The following ADGRL1 variants were observed in gnomAD, a reference collection of about 807,000 sequenced individuals.
ADGRL1 encodes CIRL-1.
A neutral mutation model predicts 148.9 loss-of-function variants in ADGRL1; 31 were observed. The ratio of observed to expected loss-of-function variants is 0.21; its 90% CI spans 0.16 to 0.28. The LOEUF is 0.28. Among genes scored for constraint, ADGRL1 ranks in the 10% least tolerant of loss-of-function variants. The pLI is 1.00. For synonymous variants in ADGRL1, 937 were observed against 900.3 expected, an observed-to-expected ratio of 1.04 and a Z score of -0.73; for missense variants, 1,521 against 2,058.8, an observed-to-expected ratio of 0.74 and a Z score of 5.05.
At chr19:14,189,952 G>A (rs764849142) in intron 1 of ADGRL1, among the ~76,000 whole-genome samples, 5 of 152,104 alleles carry the variant, frequency 3.3e-5, no homozygotes, top group African/African-American at 9.7e-5. Context: ...ATTTTGAGAC[G>A]GAGTCTCGCT....
In ADGRL1 at chr19:14,162,867, T is replaced by C. The variant is rs1285831514; in HGVS notation, c.934A>G (p.Asn312Asp). 6.2e-7 allele frequency: 1 copy of C among 1,613,902 alleles called. No individual in the cohort carries two copies. Among genetic ancestry groups the C allele is most frequent in the Non-Finnish European group, 8.5e-7 (1 of 1,179,978 alleles). ...AGGACCCCACACACCATGAAGGCGT[T>C]GGATGCCGAGCGCTTGTCGTAACCC... ...ETGYDKRSAS[N>D]AFMVCGVLYV... Residue 312 changes from asparagine to aspartate, a missense_variant, in exon 5 of 23, where the codon AAC (asparagine) becomes GAC (aspartate). Physicochemically the swap from Asn to Asp is conservative, Grantham distance 23. Coordinates refer to ENST00000361434, the MANE Select transcript of ADGRL1 (RefSeq NM_014921.5). This position sits in a 1 kb window ranked among gnomAD's most constrained non-coding sequence, Gnocchi z 5.4.
chr19:14,182,373 C>CAGG (rs1971258005), intron 2 of ADGRL1, among the ~76,000 whole-genome samples: 1 of 152,182 alleles, frequency 6.6e-6, no homozygotes, highest in African/African-American at 2.4e-5. Flanking sequence ...TGGAGGGCAG[C>CAGG]AGGGATTCAG....
At chr19:14,197,381 A>G (rs888567902) in intron 1 of ADGRL1, among the ~76,000 whole-genome samples, 5 of 149,404 alleles carry the variant, frequency 3.3e-5, no homozygotes, top group African/African-American at 1.2e-4. Context: ...CTTCTCCCTC[A>G]TCTCCCCATC....
At chr19:14,163,490 G>GAGAGAA in intron 4 of ADGRL1, 84 bp from the exon 5 acceptor site, 1 of 1,048,658 alleles carries the variant, frequency 9.5e-7, no homozygotes, top group African/African-American at 1.6e-5. Flanking sequence ...GAGAGAGAGA[G>GAGAGAA]AGAGAGAGGG....
intron 1 of ADGRL1, among the ~76,000 whole-genome samples, chr19:14,191,732 C>G (rs1406711422): frequency 1.3e-5 from 2 of 150,064 alleles, no homozygotes; most frequent in African/African-American, 4.9e-5. Context: ...GTCTGGCTCT[C>G]TTGCTCAGGC....
In ADGRL1 at chr19:14,161,328, G is replaced by T; in HGVS notation, c.1494C>A (p.Cys498Ter). The T allele has an allele frequency of 1.3e-6, 2 of 1,591,150 alleles. No homozygotes were observed. The highest frequency in any genetic ancestry group is 1.7e-5 in the Admixed American group (1 of 57,550). ...TQQGMLVERP[C>*]PKGTRGIASF... ...TGTACTCACCTCGAGTCCCCTTGGGGCAGGGCCTCTCCACCAGCATGCCCT... is the reference window on the plus strand; with the variant it reads ...TGTACTCACCTCGAGTCCCCTTGGGTCAGGGCCTCTCCACCAGCATGCCCT... The change falls in exon 6 of 23, where the codon TGC (cysteine) becomes TGA (stop). Residue 498 changes from cysteine to a stop codon, truncating the protein, a stop_gained. Coordinates refer to ENST00000361434, the MANE Select transcript of ADGRL1 (RefSeq NM_014921.5). LOFTEE classifies it high-confidence loss of function. This position sits in a 1 kb window ranked among gnomAD's most constrained non-coding sequence, Gnocchi z 4.4.
Position 14,160,153 on chromosome 19 carries a change from G to A in ADGRL1, c.1759C>T (p.Arg587Trp), listed in dbSNP as rs868060611. ...CCGGCTGACTCGCGCTCGATGGGCC[G>A]CAGGGCCTGCAGCTGGGCATCCAGG... ...DILDAQLQAL[R>W]PIERESAGKN... Residue 587 changes from arginine (R) to tryptophan (W), a missense_variant, in exon 8 of 23, where the codon CGG (arginine) becomes TGG (tryptophan). Physicochemically the swap from Arg to Trp is moderately radical, Grantham distance 101 (BLOSUM62 -3). Coordinates refer to ENST00000361434, the MANE Select transcript of ADGRL1 (RefSeq NM_014921.5). The surrounding 1 kb of genome is among the most constrained non-coding windows in gnomAD (Gnocchi z 5.9). The A allele has an allele frequency of 1.9e-6, 3 of 1,594,280 alleles. No individual in the cohort carries two copies. Among genetic ancestry groups the A allele is most frequent in the Non-Finnish European group, 1.7e-6 (2 of 1,164,086 alleles).
chr19:14,194,827 A>G (rs1444510283), intron 1 of ADGRL1, among the ~76,000 whole-genome samples: 2 of 150,640 alleles, frequency 1.3e-5, no homozygotes, highest in Non-Finnish European at 1.5e-5. Flanking sequence ...CTTGCACCTC[A>G]GTAGTCTCTG....
At chr19:14,156,750 T>G in intron 15 of ADGRL1, 26 bp from the exon 16 acceptor site, 1 of 1,597,858 alleles carries the variant, frequency 6.3e-7, no homozygotes, top group Non-Finnish European at 8.5e-7. Flanking sequence ...GGCCGGGGTA[T>G]AGAGAGAAGC....
chr19:14,195,443 G>A (rs879378628), intron 1 of ADGRL1, among the ~76,000 whole-genome samples: 9 of 137,416 alleles, frequency 6.5e-5, no homozygotes, highest in Non-Finnish European at 1.4e-4. Context: ...GCGTGCTCGA[G>A]TGGGTGGGAG....
intron 1 of ADGRL1, among the ~76,000 whole-genome samples, chr19:14,202,810 A>G (rs546659561): frequency 1.3e-5 from 2 of 151,796 alleles, no homozygotes; most frequent in African/African-American, 4.8e-5. Flanking sequence ...TGCCTCCCCC[A>G]GCATGACCAC....
chr19:14,204,764 G>A (rs1972869110), intron 1 of ADGRL1, among the ~76,000 whole-genome samples: 1 of 151,850 alleles, frequency 6.6e-6, no homozygotes, highest in Non-Finnish European at 1.5e-5. Flanking sequence ...GAGAGAGCGC[G>A]CGAGCCAGCC....
chr19:14,166,580 GAA>G (rs950916476), intron 4 of ADGRL1, among the ~76,000 whole-genome samples: 7 of 148,310 alleles, frequency 4.7e-5, no homozygotes, highest in African/African-American at 1.7e-4. Flanking sequence ...GAGAGAGAGA[GAA>G]AGAGAGAGAG....
At chr19:14,182,995 G>A (rs1050855914) in intron 2 of ADGRL1, among the ~76,000 whole-genome samples, 1 of 152,154 alleles carries the variant, frequency 6.6e-6, no homozygotes, top group South Asian at 2.1e-4. Context: ...CCTTGCCCCC[G>A]GCCTGGGCTG....
Position 14,162,613 on chromosome 19 carries a change from G to T in ADGRL1, c.1188C>A (p.Pro396=). The T allele has an allele frequency of 6.2e-7, 1 of 1,604,870 alleles. No individual in the cohort carries two copies. Among genetic ancestry groups the T allele is most frequent in the Non-Finnish European group, 8.5e-7 (1 of 1,173,568 alleles). ...GAAGTGAGTCGTCCTCACCAGCACT[G>T]GGGTCGGGCGGCCCGAACTCCAGGC... is the stretch of plus-strand genomic sequence containing the variant. The part of the protein sequence containing the change: ...RYSLEFGPPD[P]SAGPATSPPL... The change falls in exon 5 of 23, where the codon CCC becomes CCA. Residue 396 remains proline (P), a synonymous_variant. Transcript: ENST00000361434. The surrounding 1 kb of genome is among the most constrained non-coding windows in gnomAD (Gnocchi z 5.4).
chr19:14,204,120 G>T (rs1322719703), intron 1 of ADGRL1, among the ~76,000 whole-genome samples: 1 of 152,186 alleles, frequency 6.6e-6, no homozygotes, highest in Non-Finnish European at 1.5e-5. Flanking sequence ...TAATTAATGG[G>T]CAAGTCAGTT....
At chr19:14,198,766 C>G (rs964196437) in intron 1 of ADGRL1, among the ~76,000 whole-genome samples, 1 of 152,152 alleles carries the variant, frequency 6.6e-6, no homozygotes, top group Non-Finnish European at 1.5e-5. Context: ...CACAGATGCT[C>G]CTTCCCCTCC....
intron 2 of ADGRL1, among the ~76,000 whole-genome samples, chr19:14,183,224 A>AGAGAGAGAGAGG (rs2145025356): frequency 6.7e-6 from 1 of 149,930 alleles, no homozygotes; most frequent in Admixed American, 6.6e-5. Context: ...AGAGCGAGAG[A>AGAGAGAGAGAGG]GAGACAGAGA....
chr19:14,151,721 G>A, intron 22 of ADGRL1, 106 bp from the exon 23 acceptor site: 1 of 1,142,260 alleles, frequency 8.8e-7, no homozygotes, highest in Non-Finnish European at 1.2e-6. Context: ...ATTCCTGCTG[G>A]TTTTCCGTAG....
Sources: allele counts gnomAD v4.1 joint callset (sites outside exome capture counted in the v4.1 genomes callset), GRCh38; gene constraint gnomAD v4.1.1; non-coding constraint Gnocchi (gnomAD v3.1); transcripts MANE v1.5; gene names NCBI Gene and HGNC (gene_info 2026-07-23, HGNC 2026-07-21).